MKLN1: variants seen among roughly 807,000 people sequenced by gnomAD.
The protein encoded by MKLN1 is muskelin 1.
A neutral mutation model predicts 99.0 loss-of-function variants in MKLN1; 18 were observed. The ratio of observed to expected loss-of-function variants is 0.18; its 90% confidence interval spans 0.13 to 0.27. The LOEUF (loss-of-function observed/expected upper bound fraction) is 0.27. Ranked by LOEUF, MKLN1 falls within the 10% of genes least tolerant of loss-of-function variation. The pLI is 1.00. For missense variants in MKLN1, 621 were observed against 875.9 expected, an observed-to-expected ratio of 0.71 and a Z score of 3.67; for synonymous variants, 288 against 293.2, an observed-to-expected ratio of 0.98 and a Z score of 0.18.
chr7:131,132,983 A>AAAGAAAGAAAGAAAGAAAGAAAG (rs1554526897), intron 1 of MKLN1, among the ~76,000 whole-genome samples: 8 of 137,428 alleles, frequency 5.8e-5, no homozygotes, highest in African/African-American at 5.4e-5. Flanking sequence ...AAGAAAGAAA[A>AAAGAAAGAAAGAAAGAAAGAAAG]ACCAGAGCAT....
chr7:131,182,975 TGTC>T (rs1584814772), intron 2 of MKLN1, among the ~76,000 whole-genome samples: 1 of 152,204 alleles, frequency 6.6e-6, no homozygotes, highest in African/African-American at 2.4e-5. Context: ...TTTGCTTAAA[TGTC>T]AATCAAATTT....
intron 2 of MKLN1, among the ~76,000 whole-genome samples, chr7:131,377,427 T>A (rs1793697288): frequency 6.6e-6 from 1 of 152,188 alleles, no homozygotes; most frequent in Non-Finnish European, 1.5e-5. Context: ...CTATTTACAT[T>A]AAAATCTCTT....
intron 4 of MKLN1, among the ~76,000 whole-genome samples, chr7:131,389,887 TCCAAAAAAAAAA>T (rs764327853): frequency 4.7e-5 from 7 of 149,686 alleles, no homozygotes; most frequent in Non-Finnish European, 1.0e-4. Flanking sequence ...AGACTCCATC[TCCAAAAAAAAAA>T]CCAAAAAAAA....
At chr7:131,359,738 T>A (rs1483608327) in intron 1 of MKLN1, among the ~76,000 whole-genome samples, 2 of 152,032 alleles carry the variant, frequency 1.3e-5, no homozygotes, top group Non-Finnish European at 2.9e-5. Flanking sequence ...CTTTTATTTT[T>A]TTTTTTATTT....
intron 4 of MKLN1, among the ~76,000 whole-genome samples, chr7:131,393,750 A>G (rs547245673): frequency 6.6e-6 from 1 of 152,094 alleles, no homozygotes; most frequent in South Asian, 2.1e-4. Flanking sequence ...CTGGCCTCCC[A>G]AGTAGCCAGG....
intron 4 of MKLN1, among the ~76,000 whole-genome samples, chr7:131,391,830 CTT>C (rs1794204623): frequency 6.6e-6 from 1 of 152,192 alleles, no homozygotes; most frequent in South Asian, 2.1e-4. Flanking sequence ...TTGGATATCT[CTT>C]TTGCACATTT....
intron 1 of MKLN1, among the ~76,000 whole-genome samples, chr7:131,124,487 A>T (rs981455563): frequency 2.6e-5 from 4 of 152,174 alleles, no homozygotes; most frequent in African/African-American, 9.7e-5. Flanking sequence ...TTATGGGTCC[A>T]ACCCCCAGCC....
intron 2 of MKLN1, among the ~76,000 whole-genome samples, chr7:131,173,861 C>T (rs1182574916): frequency 6.6e-6 from 1 of 151,958 alleles, no homozygotes; most frequent in African/African-American, 2.4e-5. Flanking sequence ...AACAACAAAA[C>T]AACATAGTCT....
At chr7:131,297,392 GTA>G (rs577816034) in intron 3 of MKLN1, among the ~76,000 whole-genome samples, 19 of 140,222 alleles carry the variant, frequency 1.4e-4, no homozygotes, top group Admixed American at 1.3e-3. Context: ...ATGTGTGTGT[GTA>G]TATATATACA....
At chr7:131,210,038 AG>A (rs1278102209) in intron 3 of MKLN1, among the ~76,000 whole-genome samples, 1 of 152,244 alleles carries the variant, frequency 6.6e-6, no homozygotes, top group Non-Finnish European at 1.5e-5. Context: ...TTATGAAAAA[AG>A]TAAAACTATT....
At chr7:131,111,373 C>T (rs993657839) in intron 1 of MKLN1, among the ~76,000 whole-genome samples, 1 of 152,204 alleles carries the variant, frequency 6.6e-6, no homozygotes, top group African/African-American at 2.4e-5. Context: ...CTCACACCCA[C>T]ATATCTTGTT....
At chr7:131,432,908 A>G (rs1365030203) in intron 9 of MKLN1, among the ~76,000 whole-genome samples, 1 of 152,178 alleles carries the variant, frequency 6.6e-6, no homozygotes, top group Non-Finnish European at 1.5e-5. Flanking sequence ...TGAAAAGACA[A>G]ATTTTTTTGT....
chr7:131,311,798 C>T (rs558487829), intron 3 of MKLN1, among the ~76,000 whole-genome samples: 23 of 151,374 alleles, frequency 1.5e-4, no homozygotes, highest in East Asian at 7.8e-4. Context: ...CTTATAAAGA[C>T]GGCATGAGAC....
At chr7:131,414,175 A>C (rs1392783260) in intron 7 of MKLN1, among the ~76,000 whole-genome samples, 1 of 152,222 alleles carries the variant, frequency 6.6e-6, no homozygotes, top group Non-Finnish European at 1.5e-5. Context: ...TACAAAATTA[A>C]TATCATTAAT....
At chr7:131,372,680 A>G (rs1793500954) in intron 1 of MKLN1, among the ~76,000 whole-genome samples, 1 of 150,910 alleles carries the variant, frequency 6.6e-6, no homozygotes, top group Admixed American at 6.6e-5. Context: ...TTGCTCTTCT[A>G]AAGTGTGCTT....
chr7:131,244,985 A>G (rs866827190), intron 3 of MKLN1, among the ~76,000 whole-genome samples: 6 of 152,206 alleles, frequency 3.9e-5, no homozygotes, highest in Middle Eastern at 6.8e-3. Context: ...TTTACATCCC[A>G]ATGCTTTCTG....
intron 3 of MKLN1, among the ~76,000 whole-genome samples, chr7:131,312,663 C>T (rs187302675): frequency 7.9e-5 from 12 of 152,192 alleles, no homozygotes; most frequent in South Asian, 2.1e-4. Context: ...TCCCCTCTTA[C>T]GTAAAGGAAA....
chr7:131,121,435 GCCTCCAT>G (rs1795367200), intron 1 of MKLN1, among the ~76,000 whole-genome samples: 1 of 151,918 alleles, frequency 6.6e-6, no homozygotes, highest in South Asian at 2.1e-4. Flanking sequence ...AAATTACCCA[GCCTCCAT>G]CCTGGTGAAC....
chr7:131,478,753 A>T lies in MKLN1; in HGVS notation c.2086+76A>T, dbSNP rs1014768170. The T allele has an allele frequency of 4.0e-6, 6 of 1,493,974 alleles. No individual in the cohort carries two copies. In the African/African-American group the frequency reaches 8.3e-5, roughly 21 times the overall value. 92.5% of individuals were successfully genotyped at this position (1,493,974 alleles called of 1,614,324 possible). A position where few individuals can be genotyped will look rare whatever the true frequency, so the allele number is the denominator to read the frequency against. On this transcript the variant is annotated intron_variant, in intron 17 of 17. Coordinates refer to ENST00000352689, the MANE Select transcript of MKLN1 (RefSeq NM_013255.5). The stretch of plus-strand genomic sequence containing the variant: ...GTTGGATTTTGGTTTCTTTTACGTG[A>T]AACATCAGGTGAGATGTTTCAGTCA...
Sources: gnomAD v4.1 joint callset for allele counts (sites outside exome capture counted in the v4.1 genomes callset) on GRCh38, gnomAD v4.1.1 for gene constraint, MANE v1.5 for transcripts, NCBI Gene and HGNC (gene_info 2026-07-23, HGNC 2026-07-21) for gene names.